The following RAD51B variants were observed in gnomAD, a reference collection of about 807,000 sequenced individuals.
The protein encoded by RAD51B is DNA repair protein RAD51 homolog 2.
Under a neutral mutation model 42.2 loss-of-function variants are expected in RAD51B, and 38 were observed. That is an observed-to-expected ratio of 0.90 (90% CI 0.70 to 1.18). The LOEUF (loss-of-function observed/expected upper bound fraction) is 1.18, where lower values mean the gene tolerates loss of function less well. RAD51B is among the 50% of genes most tolerant of loss of function. The pLI, the probability that RAD51B is intolerant of heterozygous loss-of-function variation, is 0.00. For missense variants in RAD51B, 373 were observed against 400.7 expected (o/e 0.93, Z 0.59); for synonymous variants, 154 against 145.2 (o/e 1.06, Z -0.43).
At chr14:68,024,929 G>T (rs1256513140) in intron 7 of RAD51B, among the ~76,000 whole-genome samples, 1 of 151,988 alleles carries the variant, frequency 6.6e-6, no homozygotes, top group Non-Finnish European at 1.5e-5. Flanking sequence ...TCTTGTTCCA[G>T]TTCTCAAGGG....
chr14:68,417,227 A>C (rs1594806170), intron 9 of RAD51B, among the ~76,000 whole-genome samples: 1 of 151,666 alleles, frequency 6.6e-6, no homozygotes, highest in South Asian at 2.1e-4. Context: ...CTTGTTTTCT[A>C]CTCCAGCTCA....
intron 8 of RAD51B, among the ~76,000 whole-genome samples, chr14:68,293,288 A>C: frequency 6.6e-6 from 1 of 152,212 alleles, no homozygotes; most frequent in East Asian, 1.9e-4. Flanking sequence ...ATGAGCTAAA[A>C]TCAGTAAGCT....
intron 7 of RAD51B, among the ~76,000 whole-genome samples, chr14:68,261,606 A>G (rs1193865028): frequency 6.6e-6 from 1 of 152,230 alleles, no homozygotes; most frequent in African/African-American, 2.4e-5. Context: ...CGTTGCAACT[A>G]CAAAACCATA....
At chr14:68,038,573 A>G (rs1331827218) in intron 7 of RAD51B, among the ~76,000 whole-genome samples, 1 of 152,172 alleles carries the variant, frequency 6.6e-6, no homozygotes, top group Non-Finnish European at 1.5e-5. Flanking sequence ...TAATATCTGT[A>G]TGGTTATTTT....
chr14:68,087,988 TATA>T (rs1179583397), intron 7 of RAD51B, among the ~76,000 whole-genome samples: 3 of 129,378 alleles, frequency 2.3e-5, no homozygotes, highest in African/African-American at 8.9e-5. Flanking sequence ...AATTATATAA[TATA>T]TTATTATATA....
intron 7 of RAD51B, among the ~76,000 whole-genome samples, chr14:68,142,880 A>T (rs1323379523): frequency 6.6e-6 from 1 of 152,074 alleles, no homozygotes; most frequent in Non-Finnish European, 1.5e-5. Flanking sequence ...GTCAGAACAC[A>T]TCACAGTTTT....
chr14:68,108,538 T>C (rs1038793644), intron 7 of RAD51B, among the ~76,000 whole-genome samples: 7 of 151,954 alleles, frequency 4.6e-5, no homozygotes, highest in Non-Finnish European at 8.8e-5. Context: ...ATTCCTTTTA[T>C]ACAAAATGTT....
At chr14:68,510,435 G>T (rs1885648398) in intron 10 of RAD51B, among the ~76,000 whole-genome samples, 1 of 152,170 alleles carries the variant, frequency 6.6e-6, no homozygotes, top group Admixed American at 6.5e-5. Flanking sequence ...TCTTCCTGAA[G>T]CGAAGTCACC....
At chr14:67,964,996 A>G (rs1253447394) in intron 7 of RAD51B, among the ~76,000 whole-genome samples, 1 of 152,200 alleles carries the variant, frequency 6.6e-6, no homozygotes, top group Non-Finnish European at 1.5e-5. Context: ...ACACGTTAGC[A>G]TTATCACCAT....
chr14:68,149,902 G>C (rs1235787748), intron 7 of RAD51B: 2 of 152,010 alleles, frequency 1.3e-5, no homozygotes, highest in Admixed American at 6.5e-5. Flanking sequence ...ATGCCACCAT[G>C]CCTGTCAGAT....
At chr14:68,191,173 T>C (rs374887097) in intron 7 of RAD51B, among the ~76,000 whole-genome samples, 7 of 152,198 alleles carry the variant, frequency 4.6e-5, no homozygotes, top group Non-Finnish European at 7.4e-5. Context: ...AGAAATGTAA[T>C]TGCTTAAATA....
chr14:68,629,263 T>C (rs917454713), intron 10 of RAD51B, among the ~76,000 whole-genome samples: 4 of 152,234 alleles, frequency 2.6e-5, no homozygotes, highest in African/African-American at 9.6e-5. Context: ...TCATTGGGAC[T>C]ACCAGGTAGC....
chr14:68,458,464 A>G (rs1031378878), intron 9 of RAD51B, among the ~76,000 whole-genome samples: 1 of 152,020 alleles, frequency 6.6e-6, no homozygotes, highest in Non-Finnish European at 1.5e-5. Flanking sequence ...AAAAATTAAT[A>G]TTTTCTTTAA....
chr14:68,403,769 A>G (rs2084185384), intron 8 of RAD51B, among the ~76,000 whole-genome samples: 1 of 152,252 alleles, frequency 6.6e-6, no homozygotes, highest in African/African-American at 2.4e-5. Flanking sequence ...ACTAAGATTT[A>G]CTATCTTGCC....
At chr14:68,577,289 C>G (rs1890005271) in intron 10 of RAD51B, among the ~76,000 whole-genome samples, 1 of 152,090 alleles carries the variant, frequency 6.6e-6, no homozygotes, top group Admixed American at 6.5e-5. Flanking sequence ...ACTGCCCCTC[C>G]CTAGGATAAC....
chr14:68,409,144 C>T (rs544934448), intron 8 of RAD51B, among the ~76,000 whole-genome samples: 1 of 152,286 alleles, frequency 6.6e-6, no homozygotes, highest in South Asian at 2.1e-4. Flanking sequence ...GAACTGTACA[C>T]TTGAAATTGG....
At chr14:68,391,853 T>A (rs1483832396) in intron 8 of RAD51B, among the ~76,000 whole-genome samples, 1 of 152,222 alleles carries the variant, frequency 6.6e-6, no homozygotes, top group East Asian at 1.9e-4. Flanking sequence ...CAGTCAGTCC[T>A]TTATATCCAG....
intron 7 of RAD51B, among the ~76,000 whole-genome samples, chr14:67,913,229 C>T (rs1430526955): frequency 1.3e-5 from 2 of 152,106 alleles, no homozygotes; most frequent in Non-Finnish European, 2.9e-5. Flanking sequence ...ATCATCTAGG[C>T]CAGTGATTAT....
intron 9 of RAD51B, among the ~76,000 whole-genome samples, chr14:68,422,515 G>A (rs1484658149): frequency 1.5e-5 from 2 of 135,268 alleles, no homozygotes; most frequent in Non-Finnish European, 3.0e-5. Flanking sequence ...AGCCAAGATC[G>A]CACCACTGCA....
Sources: gnomAD v4.1 joint callset for allele counts (sites outside exome capture counted in the v4.1 genomes callset) on GRCh38, gnomAD v4.1.1 for gene constraint, MANE v1.5 for transcripts, NCBI Gene and HGNC (gene_info 2026-07-23, HGNC 2026-07-21) for gene names.